CACNA2D3: variants seen among roughly 807,000 people sequenced by gnomAD.
CACNA2D3 encodes voltage-dependent calcium channel subunit alpha-2/delta-3.
Under a neutral mutation model 160.6 loss-of-function variants are expected in CACNA2D3, and 60 were observed. The observed-to-expected ratio is 0.37, with a 90% CI of 0.30 to 0.46. The LOEUF (loss-of-function observed/expected upper bound fraction) is 0.46, where lower values mean the gene tolerates loss of function less well. CACNA2D3 is among the 20% of genes least tolerant of loss of function. The probability of loss-of-function intolerance (pLI) is 1.00; values close to 1 mark genes in which losing one functional copy is unlikely to be tolerated. For synonymous variants in CACNA2D3, 558 were observed against 492.9 expected, an observed-to-expected ratio of 1.13 and a Z score of -1.75; for missense variants, 1,205 against 1,365.0, an observed-to-expected ratio of 0.88 and a Z score of 1.85.
At position 54,735,476 on chromosome 3, in the gene CACNA2D3, G is replaced by A. The variant is rs539830856; in HGVS notation, c.1168-17123G>A. ...CACTGCAGACACACAGATAAATGAG[G>A]ACTTGCCAGTTCTCAGCAGCTCTGG... On this transcript the variant is annotated intron_variant, in intron 11 of 37. Transcript: ENST00000474759. Among the ~76,000 whole-genome samples the A allele has an allele frequency of 4.9e-4, 75 of 152,308 alleles. 1 individual carries two copies. Among genetic ancestry groups the A allele is most frequent in the Non-Finnish European group, 7.8e-4 (53 of 68,028 alleles).
At chr3:54,834,706 G>A (rs1197586146) in intron 14 of CACNA2D3, among the ~76,000 whole-genome samples, 1 of 152,180 alleles carries the variant, frequency 6.6e-6, no homozygotes, top group Admixed American at 6.5e-5. Flanking sequence ...TGGTTCTCTA[G>A]AGATAGCCTA....
intron 11 of CACNA2D3, among the ~76,000 whole-genome samples, chr3:54,731,256 A>T (rs1184633450): frequency 6.6e-6 from 1 of 152,220 alleles, no homozygotes; most frequent in African/African-American, 2.4e-5. Context: ...TATTATGCAA[A>T]GTCATACTGC....
chr3:54,834,132 A>C (rs1703935061), intron 14 of CACNA2D3, among the ~76,000 whole-genome samples: 1 of 152,224 alleles, frequency 6.6e-6, no homozygotes, highest in Non-Finnish European at 1.5e-5. Flanking sequence ...TTTTGAAGTT[A>C]GTTTCTCATA....
chr3:54,447,267 C>T (rs578241523), intron 4 of CACNA2D3, among the ~76,000 whole-genome samples: 4 of 151,850 alleles, frequency 2.6e-5, no homozygotes, highest in South Asian at 2.1e-4. Flanking sequence ...AAAGTATTAA[C>T]GATGAATTTG....
chr3:55,034,272 T>C (rs1703765747), intron 35 of CACNA2D3, among the ~76,000 whole-genome samples: 1 of 152,070 alleles, frequency 6.6e-6, no homozygotes, highest in Non-Finnish European at 1.5e-5. Context: ...ATATCATTGT[T>C]GTCTTAACTT....
At chr3:55,021,625 G>GTATATATATATATATA (rs61298986) in intron 35 of CACNA2D3, among the ~76,000 whole-genome samples, 2 of 131,498 alleles carry the variant, frequency 1.5e-5, no homozygotes, top group African/African-American at 5.6e-5. Context: ...ATGTGTGTGT[G>GTATATATATATATATA]TATATATATA....
intron 2 of CACNA2D3, among the ~76,000 whole-genome samples, chr3:54,277,510 A>G (rs924855158): frequency 2.0e-5 from 3 of 152,196 alleles, no homozygotes; most frequent in African/African-American, 7.2e-5. Context: ...TACCAGTACC[A>G]TGCTGTTTTG....
intron 13 of CACNA2D3, among the ~76,000 whole-genome samples, chr3:54,793,374 C>G (rs1702800398): frequency 6.6e-6 from 1 of 152,204 alleles, no homozygotes; most frequent in East Asian, 1.9e-4. Flanking sequence ...GCTCTTGTTT[C>G]AACCAACTTC....
chr3:54,669,560 G>T (rs77726248), intron 11 of CACNA2D3, among the ~76,000 whole-genome samples: 2 of 152,114 alleles, frequency 1.3e-5, no homozygotes, highest in African/African-American at 4.8e-5. Context: ...TATAAAAGTG[G>T]ACTGGTCTGT....
rs9816176 is a variant in CACNA2D3, at chr3:54,471,687, G to A, written c.382-31805G>A. Among the ~76,000 whole-genome samples the A allele has an allele frequency of 5.2e-3, 786 of 151,696 alleles. 4 individuals carry two copies. Among genetic ancestry groups the A allele is most frequent in the African/African-American group, 0.018 (758 of 41,406 alleles). On this transcript the variant is annotated intron_variant, in intron 4 of 37. Transcript: ENST00000474759. ...ATAAATAAGAAAAGAGAGAAGAATC[G>A]AGTAGACATAATAAAAAATAATAAA...
intron 11 of CACNA2D3, among the ~76,000 whole-genome samples, chr3:54,750,108 G>C (rs1022419650): frequency 1.3e-5 from 2 of 152,198 alleles, no homozygotes; most frequent in African/African-American, 4.8e-5. Context: ...TTTTAAATTA[G>C]GAGTTGTAGA....
At chr3:55,064,792 C>T (rs1014477494) in intron 35 of CACNA2D3, among the ~76,000 whole-genome samples, 12 of 152,046 alleles carry the variant, frequency 7.9e-5, no homozygotes, top group African/African-American at 2.7e-4. Flanking sequence ...TGGCAATGTT[C>T]AGGGAGGAAG....
chr3:54,385,815 T>G, intron 3 of CACNA2D3: 1 of 432,200 alleles, frequency 2.3e-6, no homozygotes, highest in South Asian at 1.7e-5. Flanking sequence ...AAAGACAGCA[T>G]AGGATACAAG....
At chr3:54,318,258 C>T (rs775821192) in intron 2 of CACNA2D3, among the ~76,000 whole-genome samples, 14 of 152,038 alleles carry the variant, frequency 9.2e-5, no homozygotes, top group Non-Finnish European at 1.9e-4. Context: ...GAGCATGAAC[C>T]CTTCTTGTGT....
chr3:54,262,691 CA>C (rs1205214809), intron 2 of CACNA2D3, among the ~76,000 whole-genome samples: 2 of 152,108 alleles, frequency 1.3e-5, no homozygotes, highest in African/African-American at 2.4e-5. Flanking sequence ...CTGGGGGACA[CA>C]GGGGTAGTGA....
intron 26 of CACNA2D3, among the ~76,000 whole-genome samples, chr3:54,898,064 C>CGCTTGCTTGCTTGCTTGCTTGCTT (rs10660896): frequency 6.6e-6 from 1 of 151,098 alleles, no homozygotes; most frequent in Non-Finnish European, 1.5e-5. Flanking sequence ...GTCCGAAGCT[C>CGCTTGCTTGCTTGCTTGCTTGCTT]GCTTGCTTGC....
chr3:55,032,882 G>C (rs1232177933), intron 35 of CACNA2D3, among the ~76,000 whole-genome samples: 1 of 125,648 alleles, frequency 8.0e-6, no homozygotes, highest in Non-Finnish European at 1.6e-5. Flanking sequence ...GTAGTGCTCA[G>C]AAAGCTGTTG....
Position 55,004,958 on chromosome 3 carries a change from G to A in CACNA2D3, c.2766+120G>A, listed in dbSNP as rs1375598091. On this transcript the variant is annotated intron_variant, in intron 32 of 37. Coordinates refer to ENST00000474759, the MANE Select transcript of CACNA2D3 (RefSeq NM_018398.3). ...CTTTTTGCAAAATCATGAACATTTT[G>A]ACTTTACTCACTTAAAAAAAAAAAA... 13 of 633,118 alleles carry A rather than the reference G, an allele frequency of 2.1e-5. No homozygotes were observed. In the African/African-American group the frequency reaches 2.5e-4, roughly 12 times the overall value. The allele number at this position is 633,118 out of a possible 1,614,324, so 39.2% of individuals were successfully genotyped here.
intron 30 of CACNA2D3, among the ~76,000 whole-genome samples, chr3:54,985,145 A>C (rs767080747): frequency 5.3e-5 from 8 of 152,302 alleles, no homozygotes; most frequent in Admixed American, 3.9e-4. Flanking sequence ...CAGTTATCTG[A>C]GTTCAAGGAT....
Sources: allele counts gnomAD v4.1 joint callset (sites outside exome capture counted in the v4.1 genomes callset), GRCh38; gene constraint gnomAD v4.1.1; transcripts MANE v1.5; gene names NCBI Gene and HGNC (gene_info 2026-07-23, HGNC 2026-07-21).